AGBL1: variants seen among roughly 807,000 people sequenced by gnomAD.
AGBL1 encodes the protein AGBL carboxypeptidase 1, also known as cytosolic carboxypeptidase 4.
AGBL1 carries 130 observed loss-of-function variants against 118.9 expected under a neutral mutation model. The observed-to-expected ratio is 1.09, with a 90% CI of 0.95 to 1.26. The LOEUF (loss-of-function observed/expected upper bound fraction) is 1.26, where lower values mean the gene tolerates loss of function less well. Among genes scored for constraint, AGBL1 ranks in the 50% most tolerant of loss-of-function variants. The pLI is 0.00. For synonymous variants in AGBL1, 555 were observed against 478.9 expected (o/e 1.16, Z -2.08); for missense variants, 1,584 against 1,298.1 (o/e 1.22, Z -3.38).
intron 22 of AGBL1, among the ~76,000 whole-genome samples, chr15:86,741,543 A>G (rs1387542121): frequency 6.6e-6 from 1 of 152,030 alleles, no homozygotes. Flanking sequence ...GGTGGGGACA[A>G]TGTTGAAGTC....
intron 21 of AGBL1, among the ~76,000 whole-genome samples, chr15:86,633,796 A>G (rs2085022051): frequency 1.5e-5 from 1 of 67,136 alleles, no homozygotes; most frequent in Non-Finnish European, 2.7e-5. Flanking sequence ...ATATATATAT[A>G]ATGTATATAT....
chr15:86,677,869 T>C (rs1257600108), intron 22 of AGBL1, among the ~76,000 whole-genome samples: 1 of 152,200 alleles, frequency 6.6e-6, no homozygotes, highest in Non-Finnish European at 1.5e-5. Context: ...TTTTGTTCTT[T>C]TGAATGAGAA....
At chr15:86,434,352 T>C (rs921347854) in intron 18 of AGBL1, among the ~76,000 whole-genome samples, 2 of 152,218 alleles carry the variant, frequency 1.3e-5, no homozygotes, top group African/African-American at 4.8e-5. Flanking sequence ...GCTCTTCAGC[T>C]GTAGAGTATA....
At chr15:86,093,988 A>G (rs1008001651) in intron 1 of AGBL1, among the ~76,000 whole-genome samples, 1 of 152,194 alleles carries the variant, frequency 6.6e-6, no homozygotes, top group Admixed American at 6.5e-5. Flanking sequence ...AAACATTCCG[A>G]TTACATTCTA....
intron 17 of AGBL1, among the ~76,000 whole-genome samples, chr15:86,386,643 C>A (rs537351997): frequency 3.3e-5 from 5 of 152,092 alleles, no homozygotes; most frequent in Middle Eastern, 3.4e-3. Flanking sequence ...CCTCAAAGAG[C>A]CTTCTTTTCT....
chr15:87,007,984 G>C (rs1330615802), intron 24 of AGBL1, among the ~76,000 whole-genome samples: 2 of 152,166 alleles, frequency 1.3e-5, no homozygotes, highest in Non-Finnish European at 2.9e-5. Context: ...AAGAAAATTT[G>C]GATTATTCAT....
At chr15:86,488,690 T>C (rs752094906) in intron 18 of AGBL1, among the ~76,000 whole-genome samples, 5 of 151,994 alleles carry the variant, frequency 3.3e-5, no homozygotes, top group African/African-American at 4.8e-5. Context: ...CCTCCCTACA[T>C]ATATACATAC....
chr15:86,721,039 G>A (rs1206223601), intron 22 of AGBL1, among the ~76,000 whole-genome samples: 1 of 152,194 alleles, frequency 6.6e-6, no homozygotes, highest in African/African-American at 2.4e-5. Context: ...TCCAGGACCA[G>A]ATGGATTCAC....
chr15:86,201,288 TCCATCTCTGTAC>T (rs2077903516), intron 5 of AGBL1, among the ~76,000 whole-genome samples: 1 of 152,208 alleles, frequency 6.6e-6, no homozygotes, highest in East Asian at 1.9e-4. Context: ...TCAAATCTTC[TCCATCTCTGTAC>T]CCTTAAGAAG....
At chr15:86,313,817 T>G (rs920070157) in intron 17 of AGBL1, among the ~76,000 whole-genome samples, 2 of 152,238 alleles carry the variant, frequency 1.3e-5, no homozygotes, top group African/African-American at 4.8e-5. Flanking sequence ...GATGGGGTTT[T>G]TAATGAACCA....
At chr15:86,388,314 GAA>G (rs567452421) in intron 17 of AGBL1, among the ~76,000 whole-genome samples, 298 of 152,214 alleles carry the variant, frequency 2.0e-3, no homozygotes, top group African/African-American at 4.9e-3. Context: ...TGGAAAAGAG[GAA>G]AAGAGAGATG....
intron 21 of AGBL1, among the ~76,000 whole-genome samples, chr15:86,580,779 A>G (rs935074940): frequency 6.6e-6 from 1 of 152,190 alleles, no homozygotes; most frequent in African/African-American, 2.4e-5. Flanking sequence ...TTCACCCTAT[A>G]GTGCTATGGA....
intron 22 of AGBL1, among the ~76,000 whole-genome samples, chr15:86,715,568 T>A (rs1344743030): frequency 6.6e-6 from 1 of 152,180 alleles, no homozygotes; most frequent in Non-Finnish European, 1.5e-5. Flanking sequence ...ATTGATAATT[T>A]GGAATGAAAA....
intron 5 of AGBL1, among the ~76,000 whole-genome samples, chr15:86,223,137 C>T (rs11073625): frequency 0.063 from 9,646 of 152,180 alleles, 450 homozygotes; most frequent in East Asian, 0.24. Flanking sequence ...ACTTATTCTC[C>T]TGACTGGTCT....
intron 22 of AGBL1, among the ~76,000 whole-genome samples, chr15:86,797,217 T>A (rs16977991): frequency 6.6e-6 from 1 of 152,176 alleles, no homozygotes; most frequent in South Asian, 2.1e-4. Context: ...CTCAAAGGAC[T>A]GCATGCCCAC....
At chr15:86,444,391 T>G (rs1467339239) in intron 18 of AGBL1, among the ~76,000 whole-genome samples, 1 of 152,174 alleles carries the variant, frequency 6.6e-6, no homozygotes, top group African/African-American at 2.4e-5. Context: ...CCTACCTGGA[T>G]TCACTCAGCT....
chr15:86,982,695 T>C (rs116461519), intron 23 of AGBL1, among the ~76,000 whole-genome samples: 1,754 of 152,298 alleles, frequency 0.012, 35 homozygotes, highest in African/African-American at 0.04. Context: ...AAACATATTT[T>C]CTCTTTCTGG....
intron 22 of AGBL1, among the ~76,000 whole-genome samples, chr15:86,779,982 T>A (rs1186190954): frequency 6.6e-6 from 1 of 152,110 alleles, no homozygotes; most frequent in Non-Finnish European, 1.5e-5. Context: ...GTTTTATTTC[T>A]GAGTCTAATG....
chr15:86,683,565 C>T (rs1250059742), intron 22 of AGBL1, among the ~76,000 whole-genome samples: 2 of 152,154 alleles, frequency 1.3e-5, no homozygotes, highest in Admixed American at 1.3e-4. Context: ...AAGTGATTTA[C>T]ACATTGCCAG....
Sources: gnomAD v4.1 joint callset for allele counts (sites outside exome capture counted in the v4.1 genomes callset) on GRCh38, gnomAD v4.1.1 for gene constraint, MANE v1.5 for transcripts, NCBI Gene and HGNC (gene_info 2026-07-23, HGNC 2026-07-21) for gene names.